Variants in PDGFC observed in about 807,000 individuals in gnomAD.
The protein encoded by PDGFC is platelet derived growth factor C.
Under a neutral mutation model 35.5 loss-of-function variants are expected in PDGFC, and 12 were observed. The ratio of observed to expected loss-of-function variants is 0.34; its 90% CI spans 0.22 to 0.55. PDGFC has a LOEUF of 0.55. Ranked by LOEUF, PDGFC falls within the 20% of genes least tolerant of loss-of-function variation. The pLI, the probability that PDGFC is intolerant of heterozygous loss-of-function variation, is 0.91. For synonymous variants in PDGFC, 159 were observed against 148.8 expected (o/e 1.07, Z -0.50); for missense variants, 322 against 412.4 (o/e 0.78, Z 1.90).
At chr4:156,869,308 T>C (rs1236620119) in intron 1 of PDGFC, among the ~76,000 whole-genome samples, 2 of 151,586 alleles carry the variant, frequency 1.3e-5, no homozygotes, top group South Asian at 2.1e-4. Flanking sequence ...TGGTGGCGGG[T>C]GCCTGTAGTC....
chr4:156,866,059 A>G (rs1254917582), intron 1 of PDGFC, among the ~76,000 whole-genome samples: 1 of 152,098 alleles, frequency 6.6e-6, no homozygotes, highest in Non-Finnish European at 1.5e-5. Flanking sequence ...GCACCCATTA[A>G]CGTGTCATTT....
At chr4:156,966,977 C>T (rs542473054) in intron 1 of PDGFC, among the ~76,000 whole-genome samples, 1 of 151,042 alleles carries the variant, frequency 6.6e-6, no homozygotes, top group African/African-American at 2.4e-5. Context: ...TGTACTTGTT[C>T]AACTTCCTCA....
At chr4:156,840,050 A>G (rs1389864438) in intron 2 of PDGFC, among the ~76,000 whole-genome samples, 19 of 152,244 alleles carry the variant, frequency 1.2e-4, no homozygotes, top group Admixed American at 1.2e-3. Flanking sequence ...ACAATGCAGT[A>G]GAAAAGAAAA....
chr4:156,873,755 C>A (rs1051282166), intron 1 of PDGFC, among the ~76,000 whole-genome samples: 5 of 152,168 alleles, frequency 3.3e-5, no homozygotes, highest in Admixed American at 2.0e-4. Context: ...ATCCCAAGAT[C>A]CCTGCCAGAA....
chr4:156,833,858 G>C (rs985668995), intron 2 of PDGFC, among the ~76,000 whole-genome samples: 6 of 152,152 alleles, frequency 3.9e-5, no homozygotes, highest in Non-Finnish European at 7.3e-5. Flanking sequence ...GTAAAGATTA[G>C]AGTTGTGGAT....
intron 1 of PDGFC, among the ~76,000 whole-genome samples, chr4:156,887,997 C>G (rs535561565): frequency 2.1e-5 from 3 of 142,632 alleles, no homozygotes; most frequent in African/African-American, 7.8e-5. Flanking sequence ...AGTGAAACCC[C>G]GTCTTAAAAA....
At chr4:156,908,830 T>C (rs1730977092) in intron 1 of PDGFC, among the ~76,000 whole-genome samples, 1 of 152,116 alleles carries the variant, frequency 6.6e-6, no homozygotes, top group Admixed American at 6.6e-5. Flanking sequence ...AAGTTGGAAA[T>C]AATCCAATGT....
chr4:156,970,989 G>A lies in PDGFC; in HGVS notation c.-86C>T. On this transcript the variant is annotated 5_prime_UTR_variant, in exon 1 of 6. Transcript: ENST00000502773. ...TCTCTTTCACCACCGCCAGGGGAAG[G>A]CTGCACTGGGGTGGAAGCGCCGAGC... 1.2e-6 allele frequency: 1 copy of A among 835,696 alleles called. No individual in the cohort carries two copies. The highest frequency in any genetic ancestry group is 2.0e-6 in the Non-Finnish European group (1 of 495,538). 51.8% of individuals were successfully genotyped at this position (835,696 alleles called of 1,614,324 possible).
chr4:156,903,168 G>C (rs550142163), intron 1 of PDGFC, among the ~76,000 whole-genome samples: 1 of 151,082 alleles, frequency 6.6e-6, no homozygotes, highest in Non-Finnish European at 1.5e-5. Flanking sequence ...AGTGAAAAGG[G>C]CAGTTATTTC....
At chr4:156,945,342 C>CATATATATATATATAT (rs201167463) in intron 1 of PDGFC, among the ~76,000 whole-genome samples, 4 of 81,076 alleles carry the variant, frequency 4.9e-5, no homozygotes, top group Admixed American at 1.5e-4. Flanking sequence ...CATATACATA[C>CATATATATATATATAT]ATATATATAT....
intron 1 of PDGFC, among the ~76,000 whole-genome samples, chr4:156,895,857 C>T (rs1203330472): frequency 6.6e-6 from 1 of 152,002 alleles, no homozygotes; most frequent in Non-Finnish European, 1.5e-5. Context: ...AGGAAAGTTA[C>T]AGTGAGAGTA....
chr4:156,846,793 A>T (rs1339550334), intron 2 of PDGFC, among the ~76,000 whole-genome samples: 1 of 151,678 alleles, frequency 6.6e-6, no homozygotes, highest in Admixed American at 6.6e-5. Flanking sequence ...TAATAAAGAT[A>T]TTTTCCCTAA....
chr4:156,854,871 C>A (rs185868317), intron 1 of PDGFC, among the ~76,000 whole-genome samples: 44 of 152,100 alleles, frequency 2.9e-4, no homozygotes, highest in Non-Finnish European at 5.1e-4. Flanking sequence ...GATCCTTGCA[C>A]ACTTAACAAG....
chr4:156,911,779 C>T (rs1731045578), intron 1 of PDGFC, among the ~76,000 whole-genome samples: 1 of 152,010 alleles, frequency 6.6e-6, no homozygotes, highest in African/African-American at 2.4e-5. Flanking sequence ...GAAAAGACAT[C>T]TAAATAGTGG....
chr4:156,920,264 G>A (rs993183498), intron 1 of PDGFC, among the ~76,000 whole-genome samples: 3 of 152,084 alleles, frequency 2.0e-5, no homozygotes, highest in African/African-American at 7.2e-5. Context: ...AACATCAACC[G>A]GTTGTTTTGA....
intron 5 of PDGFC, among the ~76,000 whole-genome samples, chr4:156,765,769 C>A (rs936194711): frequency 6.6e-6 from 1 of 152,048 alleles, no homozygotes; most frequent in African/African-American, 2.4e-5. Context: ...TGCTTCAGGG[C>A]AAAATTCATT....
At chr4:156,784,913 C>A (rs1042917469) in intron 3 of PDGFC, among the ~76,000 whole-genome samples, 9 of 151,880 alleles carry the variant, frequency 5.9e-5, no homozygotes, top group Non-Finnish European at 8.8e-5. Flanking sequence ...GAAGTATAAT[C>A]CAAGGATAGT....
At chr4:156,907,709 C>T (rs1730949094) in intron 1 of PDGFC, among the ~76,000 whole-genome samples, 2 of 152,158 alleles carry the variant, frequency 1.3e-5, no homozygotes, top group Admixed American at 1.3e-4. Context: ...ATGTGCTAGG[C>T]ATTCCTGGCT....
At chr4:156,825,590 TAATAAG>T (rs1324222134) in intron 2 of PDGFC, among the ~76,000 whole-genome samples, 905 of 78,198 alleles carry the variant, frequency 0.012, 3 homozygotes, top group Admixed American at 0.021. Flanking sequence ...ATAATAATAA[TAATAAG>T]AAGAAGAAGA....
Sources: gnomAD v4.1 joint callset for allele counts (sites outside exome capture counted in the v4.1 genomes callset) on GRCh38, gnomAD v4.1.1 for gene constraint, MANE v1.5 for transcripts, NCBI Gene and HGNC (gene_info 2026-07-23, HGNC 2026-07-21) for gene names.